Variants in HMBOX1 observed in about 807,000 individuals in gnomAD.
HMBOX1 encodes the protein homeobox containing 1, also known as homeobox-containing protein 1.
In HMBOX1, 14 loss-of-function variants were observed where a neutral mutation model predicts 54.5. The observed-to-expected ratio is 0.26, with a 90% confidence interval of 0.17 to 0.40. The LOEUF (loss-of-function observed/expected upper bound fraction) is 0.40. Ranked by LOEUF, HMBOX1 falls within the 10% of genes least tolerant of loss-of-function variation. HMBOX1 has a pLI of 1.00. For missense variants in HMBOX1, 332 were observed against 514.4 expected, an observed-to-expected ratio of 0.65 and a Z score of 3.43; for synonymous variants, 160 against 181.0, an observed-to-expected ratio of 0.88 and a Z score of 0.93.
intron 1 of HMBOX1, among the ~76,000 whole-genome samples, chr8:28,899,576 C>T (rs1378738982): frequency 6.6e-6 from 1 of 152,202 alleles, no homozygotes; most frequent in Non-Finnish European, 1.5e-5. Flanking sequence ...CTCTGCAGAT[C>T]TGGCAACAAA....
At position 29,051,466 on chromosome 8, in the gene HMBOX1, A is replaced by G; in HGVS notation, c.*311A>G. 1 of 694,444 alleles carries G rather than the reference A, an allele frequency of 1.4e-6. No homozygotes were observed. The highest frequency in any genetic ancestry group is 2.6e-6 in the Non-Finnish European group (1 of 377,824). 43.0% of individuals were successfully genotyped at this position (694,444 alleles called of 1,614,324 possible). A position where few individuals can be genotyped will look rare whatever the true frequency, so the allele number is the denominator to read the frequency against. On this transcript the variant is annotated 3_prime_UTR_variant, in exon 10 of 10. Transcript: ENST00000287701. ...GCTTCCAGGTATTTAGATAGCCCTCAGTTCTCAAATATTAGACTACGTGTA... is the reference window on the plus strand; with the variant it reads ...GCTTCCAGGTATTTAGATAGCCCTCGGTTCTCAAATATTAGACTACGTGTA...
rs1366880241 is a variant in HMBOX1 at position 28,970,753 on chromosome 8, AG to A, written c.500+235del. On this transcript the variant is annotated intron_variant, in intron 3 of 9. Transcript: ENST00000287701. The surrounding 1 kb of genome is among the most constrained non-coding windows in gnomAD (Gnocchi z 4.3). ...AGCCCTTTCTCTTTGCTGCTTGACA[AG>A]CCTTTTCCATTCTGTTTATCAAACA... 1.2e-5 allele frequency: 5 copies of A among 425,548 alleles called. No individual in the cohort carries two copies. The highest frequency in any genetic ancestry group is 2.0e-5 in the African/African-American group (1 of 50,022). 26.4% of individuals were successfully genotyped at this position (425,548 alleles called of 1,614,324 possible).
At chr8:28,954,145 T>G (rs957831746) in intron 1 of HMBOX1, among the ~76,000 whole-genome samples, 1 of 152,186 alleles carries the variant, frequency 6.6e-6, no homozygotes, top group African/African-American at 2.4e-5. Flanking sequence ...TATTCTCATC[T>G]GTAAATTGAA....
intron 1 of HMBOX1, among the ~76,000 whole-genome samples, chr8:28,927,108 A>T (rs1019716259): frequency 6.6e-6 from 1 of 152,184 alleles, no homozygotes; most frequent in African/African-American, 2.4e-5. Flanking sequence ...AAAATAACTT[A>T]TTTGTACATT....
rs780268891 is a variant in HMBOX1, at chr8:29,051,207, C to T, written c.*52C>T. The T allele has an allele frequency of 1.3e-6, 2 of 1,592,604 alleles. No homozygotes were observed. The highest frequency in any genetic ancestry group is 2.2e-5 in the East Asian group (1 of 44,776). ...ACTTAGTTTAGACGTAGCACCTTAG[C>T]AGACTTTCCTCGGTCCTTAACATGT... is the stretch of plus-strand genomic sequence containing the variant. On this transcript the variant is annotated 3_prime_UTR_variant, in exon 10 of 10. Coordinates refer to ENST00000287701, the MANE Select transcript of HMBOX1 (RefSeq NM_001135726.3).
intron 1 of HMBOX1, among the ~76,000 whole-genome samples, chr8:28,900,885 G>A (rs1053703801): frequency 2.0e-5 from 3 of 151,988 alleles, no homozygotes; most frequent in Admixed American, 6.6e-5. Context: ...TTTAAGGTCT[G>A]TCATTCTTTT....
At position 28,965,199 on chromosome 8, in the gene HMBOX1, A is replaced by G. The variant is rs968632689; in HGVS notation, c.23+1309A>G. Among the ~76,000 whole-genome samples, 3 of 152,242 alleles carry G rather than the reference A, an allele frequency of 2.0e-5. No homozygotes were observed. In the South Asian group the frequency reaches 6.2e-4, roughly 32 times the overall value. ...GGATCTGTTACATAGTAGGCATTCA[A>G]TAAATGTTACTTAAATGAATGATTT... On this transcript the variant is annotated intron_variant, in intron 2 of 9. Coordinates refer to ENST00000287701, the MANE Select transcript of HMBOX1 (RefSeq NM_001135726.3).
intron 1 of HMBOX1, among the ~76,000 whole-genome samples, chr8:28,934,799 C>T (rs528539049): frequency 3.3e-5 from 5 of 152,048 alleles, no homozygotes; most frequent in South Asian, 2.1e-4. Flanking sequence ...CGGTGGCAGG[C>T]GCCTGTAGTC....
At position 28,999,341 on chromosome 8, in the gene HMBOX1, C is replaced by T. The variant is rs59862059; in HGVS notation, c.587-9731C>T. Among the ~76,000 whole-genome samples, 950 of 152,232 alleles carry T rather than the reference C, an allele frequency of 6.2e-3. 7 individuals carry two copies. Among genetic ancestry groups the T allele is most frequent in the African/African-American group, 0.022 (910 of 41,574 alleles). On this transcript the variant is annotated intron_variant, in intron 4 of 9. Coordinates refer to ENST00000287701, the MANE Select transcript of HMBOX1 (RefSeq NM_001135726.3). ...TTTTCTGTTGATCTTTGGTTTTCAA[C>T]AATTTATGATGTGTCTAGGTATGGA...
Position 28,924,273 on chromosome 8 carries a change from A to AT in HMBOX1, c.-58+33604dup, listed in dbSNP as rs938657309. ...AGGTGCCCGCCACCACGTCTGGCTAATTTTTTTTTGTATTTTTAGTAGAGA... is the reference window on the plus strand; with the variant it reads ...AGGTGCCCGCCACCACGTCTGGCTAATTTTTTTTTTGTATTTTTAGTAGAGA... On this transcript the variant is annotated intron_variant, in intron 1 of 9. Coordinates refer to ENST00000287701, the MANE Select transcript of HMBOX1 (RefSeq NM_001135726.3). Among the ~76,000 whole-genome samples the AT allele has an allele frequency of 2.8e-4, 42 of 149,642 alleles. No homozygotes were observed. The East Asian group carries it at 6.9e-3, about 25-fold the overall frequency.
rs183562245 is a variant in HMBOX1, at chr8:28,972,958, G to A, written c.500+2439G>A. The stretch of plus-strand genomic sequence containing the variant: ...TGTACTACCACTTGTCGCATAATCA[G>A]GACACTTTATCTTTTTCCATTTCTC... On this transcript the variant is annotated intron_variant, in intron 3 of 9. Transcript: ENST00000287701. Among the ~76,000 whole-genome samples the A allele has an allele frequency of 2.4e-4, 36 of 152,164 alleles. No individual in the cohort carries two copies. The East Asian group carries it at 6.4e-3, about 27-fold the overall frequency.
chr8:29,014,621 T>C (rs1834724240), intron 5 of HMBOX1, among the ~76,000 whole-genome samples: 3 of 152,178 alleles, frequency 2.0e-5, no homozygotes, highest in African/African-American at 7.2e-5. Context: ...AAAGTAGGTA[T>C]TTTGATGAAT....
intron 3 of HMBOX1, among the ~76,000 whole-genome samples, chr8:28,978,123 GTA>G (rs1828740524): frequency 6.6e-6 from 1 of 152,104 alleles, no homozygotes; most frequent in Non-Finnish European, 1.5e-5. Context: ...GCAGTATACT[GTA>G]GAGCTACAGA....
At chr8:28,914,608 T>C (rs1173805761) in intron 1 of HMBOX1, among the ~76,000 whole-genome samples, 1 of 152,236 alleles carries the variant, frequency 6.6e-6, no homozygotes, top group Non-Finnish European at 1.5e-5. Context: ...ACCACAGCAC[T>C]GCAGACAGCC....
chr8:28,984,716 T>A (rs747674855), intron 4 of HMBOX1, among the ~76,000 whole-genome samples: 3 of 152,230 alleles, frequency 2.0e-5, no homozygotes, highest in Non-Finnish European at 4.4e-5. Context: ...AATAAGCACA[T>A]GTATTCTGTA....
intron 4 of HMBOX1, among the ~76,000 whole-genome samples, chr8:28,996,693 C>A (rs964782008): frequency 1.3e-5 from 2 of 152,276 alleles, no homozygotes; most frequent in South Asian, 4.2e-4. Context: ...CCAAATCATG[C>A]AGATTTACAT....
chr8:29,018,766 C>A lies in HMBOX1; in HGVS notation c.704C>A (p.Thr235Lys). 2 of 1,613,248 alleles carry A rather than the reference C, an allele frequency of 1.2e-6. No homozygotes were observed. Among genetic ancestry groups the A allele is most frequent in the South Asian group, 2.2e-5 (2 of 90,978 alleles). ...YQLEKTNPGATLSMRPAPIPI... is the reference protein window; with the variant it reads ...YQLEKTNPGAKLSMRPAPIPI... ...AGTGTCTTGTTTATTTCAGGCGCTA[C>A]ACTAAGTATGAGACCAGCCCCCATT... The change falls in exon 6 of 10, where the codon ACA becomes AAA. Residue 235 changes from threonine (T) to lysine (K), a missense_variant. Around this residue, in one of 4 missense-constraint regions of HMBOX1, gnomAD observed 117 missense variants for 220.0 expected, o/e 0.53. Transcript: ENST00000287701.
chr8:28,892,375 A>G (rs780959629), intron 1 of HMBOX1, among the ~76,000 whole-genome samples: 2 of 152,182 alleles, frequency 1.3e-5, no homozygotes, highest in Non-Finnish European at 2.9e-5. Flanking sequence ...AGTTTTTAAT[A>G]TTTAATAACA....
At chr8:29,042,103 A>G (rs1804915728) in intron 6 of HMBOX1, among the ~76,000 whole-genome samples, 2 of 152,168 alleles carry the variant, frequency 1.3e-5, no homozygotes, top group South Asian at 4.1e-4. Flanking sequence ...AGGGAGACAA[A>G]ACACCACCAA....
Sources: gnomAD v4.1 joint callset for allele counts (sites outside exome capture counted in the v4.1 genomes callset) on GRCh38, gnomAD v4.1.1 for gene constraint, gnomAD v4.1.1 regional missense constraint, Gnocchi (gnomAD v3.1) non-coding constraint, MANE v1.5 for transcripts, NCBI Gene and HGNC (gene_info 2026-07-23, HGNC 2026-07-21) for gene names.